The following STARD7 variants were observed in gnomAD, a reference collection of about 807,000 sequenced individuals.
STARD7 encodes StAR related lipid transfer domain containing 7, also known as stAR-related lipid transfer protein 7, mitochondrial.
Under a neutral mutation model 45.3 loss-of-function variants are expected in STARD7, and 30 were observed. The ratio of observed to expected loss-of-function variants is 0.66; its 90% CI spans 0.50 to 0.90. The LOEUF (loss-of-function observed/expected upper bound fraction) is 0.90, where lower values mean the gene tolerates loss of function less well. Among genes scored for constraint, STARD7 ranks in the 40% least tolerant of loss-of-function variants. The pLI is 0.00. For missense variants in STARD7, 495 were observed against 491.3 expected (o/e 1.01, Z -0.07); for synonymous variants, 199 against 183.0 (o/e 1.09, Z -0.70).
At chr2:96,205,936 G>C (rs1683381385) in intron 1 of STARD7, among the ~76,000 whole-genome samples, 1 of 152,088 alleles carries the variant, frequency 6.6e-6, no homozygotes, top group Admixed American at 6.5e-5. Flanking sequence ...GTTAAATGAG[G>C]GCCTTTACTA....
At chr2:96,187,962 A>C (rs1425109748) in intron 6 of STARD7, 1 of 150,196 alleles carries the variant, frequency 6.7e-6, no homozygotes, top group Non-Finnish European at 1.5e-5. Flanking sequence ...CGTCTCAAAA[A>C]ATAAATAAAT....
At chr2:96,193,407 G>T in intron 3 of STARD7, 55 bp from the exon 4 acceptor site, 1 of 1,159,738 alleles carries the variant, frequency 8.6e-7, no homozygotes, top group Non-Finnish European at 1.3e-6. Flanking sequence ...CAAAAATGCA[G>T]AAAGCTTTCC....
intron 1 of STARD7, among the ~76,000 whole-genome samples, chr2:96,198,099 G>T (rs2104194535): frequency 6.6e-6 from 1 of 152,148 alleles, no homozygotes; most frequent in East Asian, 1.9e-4. Flanking sequence ...AAGGTGGGTG[G>T]ATCACTCTGA....
At chr2:96,203,896 G>A (rs1268500263) in intron 1 of STARD7, among the ~76,000 whole-genome samples, 1 of 152,102 alleles carries the variant, frequency 6.6e-6, no homozygotes, top group Non-Finnish European at 1.5e-5. Context: ...AAACCAGGAG[G>A]TGGATGCTTC....
chr2:96,188,840 G>A (rs62153011), intron 6 of STARD7, among the ~76,000 whole-genome samples: 20,095 of 151,940 alleles, frequency 0.13, 1,510 homozygotes, highest in South Asian at 0.22. Context: ...GTTGCAGTGA[G>A]CCAAGATCAC....
chr2:96,200,795 C>T (rs1039321540), intron 1 of STARD7, among the ~76,000 whole-genome samples: 1 of 152,092 alleles, frequency 6.6e-6, no homozygotes, highest in African/African-American at 2.4e-5. Flanking sequence ...GCACAATAGG[C>T]GTGTGCTACC....
In STARD7 at chr2:96,208,593, G is replaced by T; in HGVS notation, c.-159C>A. On this transcript the variant is annotated 5_prime_UTR_variant, in exon 1 of 8. Transcript: ENST00000337288. ...CCGCTCATCTGTCTCTGCAGCCACC[G>T]CTGAGGAAGAGTCTCCTCTGAGGGG... 1.7e-6 allele frequency: 1 copy of T among 578,300 alleles called. No individual in the cohort carries two copies. The highest frequency in any genetic ancestry group is 2.8e-6 in the Non-Finnish European group (1 of 360,500). 35.8% of individuals were successfully genotyped at this position (578,300 alleles called of 1,614,324 possible). A position where few individuals can be genotyped will look rare whatever the true frequency, so the allele number is the denominator to read the frequency against.
chr2:96,200,359 G>A (rs1292144507), intron 1 of STARD7, among the ~76,000 whole-genome samples: 2 of 152,108 alleles, frequency 1.3e-5, no homozygotes, highest in Admixed American at 6.5e-5. Flanking sequence ...GATTCCAGGC[G>A]GGACTCACCG....
intron 5 of STARD7, among the ~76,000 whole-genome samples, chr2:96,192,876 A>G (rs1431603928): frequency 6.6e-6 from 1 of 152,236 alleles, no homozygotes; most frequent in African/African-American, 2.4e-5. Context: ...AACCCAAAAA[A>G]ACAGTTTAAC....
At chr2:96,204,399 A>G (rs1200117174) in intron 1 of STARD7, among the ~76,000 whole-genome samples, 1 of 151,884 alleles carries the variant, frequency 6.6e-6, no homozygotes, top group Non-Finnish European at 1.5e-5. Flanking sequence ...CTAAGGATAC[A>G]AAAAATTAGC....
rs1022496525 is a variant in STARD7 at position 96,208,529 on chromosome 2, G to A, written c.-95C>T. On this transcript the variant is annotated 5_prime_UTR_variant, in exon 1 of 8. Transcript: ENST00000337288. ...GGTCGCAGCGTCCCCCTAAATGGCC[G>A]GCCACGAACCCGTCTCACGGTCCCG... is the stretch of plus-strand genomic sequence containing the variant. The A allele has an allele frequency of 1.7e-6, 2 of 1,143,242 alleles. No homozygotes were observed. The highest frequency in any genetic ancestry group is 2.3e-6 in the Non-Finnish European group (2 of 874,842). 70.8% of individuals were successfully genotyped at this position (1,143,242 alleles called of 1,614,324 possible).
At position 96,186,726 on chromosome 2, in the gene STARD7, C is replaced by T; in HGVS notation, c.*4G>A. The T allele has an allele frequency of 1.2e-6, 2 of 1,601,448 alleles. No individual in the cohort carries two copies. Among genetic ancestry groups the T allele is most frequent in the African/African-American group, 1.3e-5 (1 of 74,614 alleles). On this transcript the variant is annotated 3_prime_UTR_variant, in exon 8 of 8. Transcript: ENST00000337288. ...CACCTTGTCCCTTCTTATCCCAAAGCCTGTCAAGCATACTCAATCCGAGCA... is the reference window on the plus strand; with the variant it reads ...CACCTTGTCCCTTCTTATCCCAAAGTCTGTCAAGCATACTCAATCCGAGCA...
At chr2:96,195,089 T>A in intron 2 of STARD7, 82 bp from the exon 3 acceptor site, 2 of 1,242,114 alleles carry the variant, frequency 1.6e-6, no homozygotes, top group Non-Finnish European at 2.3e-6. Context: ...GCGTTTCAGA[T>A]CTAAAGTACT....
intron 1 of STARD7, among the ~76,000 whole-genome samples, chr2:96,203,604 C>T (rs1392499090): frequency 6.6e-6 from 1 of 152,168 alleles, no homozygotes; most frequent in Non-Finnish European, 1.5e-5. Context: ...CATAATTCTC[C>T]TCCTCTTCAA....
rs1683044566 is a variant in STARD7, at chr2:96,186,801, T to G, written c.1042A>C (p.Lys348Gln). ...AKPLEMSSEA[K>Q]ATSQSSERKN... ...CGCTCAGAGGACTGGCTGGTGGCCT[T>G]GGCTTCACTACTCATTTCCAGAGGC... Residue 348 changes from lysine to glutamine, a missense_variant, in exon 8 of 8, where the codon AAG becomes CAG. Around this residue, in one of 2 missense-constraint regions of STARD7, gnomAD observed 213 missense variants for 271.2 expected, o/e 0.79. Transcript: ENST00000337288. 1 of 1,613,880 alleles carries G rather than the reference T, an allele frequency of 6.2e-7. No homozygotes were observed. Among genetic ancestry groups the G allele is most frequent in the South Asian group, 1.1e-5 (1 of 91,088 alleles).
intron 1 of STARD7, among the ~76,000 whole-genome samples, chr2:96,207,073 T>C (rs1470119314): frequency 6.6e-6 from 1 of 152,240 alleles, no homozygotes; most frequent in Non-Finnish European, 1.5e-5. Flanking sequence ...AAAGTTATCT[T>C]TCCTGCTAGG....
At chr2:96,202,799 G>A (rs1212631962) in intron 1 of STARD7, among the ~76,000 whole-genome samples, 1 of 152,204 alleles carries the variant, frequency 6.6e-6, no homozygotes, top group South Asian at 2.1e-4. Context: ...TCCACTGGTG[G>A]AATGTCGTAC....
In STARD7 at chr2:96,208,319, T is replaced by A. The variant is rs748441449; in HGVS notation, c.116A>T (p.Gln39Leu). Residue 39 changes from glutamine to leucine, a missense_variant, in exon 1 of 8, where the codon CAG becomes CTG. Transcript: ENST00000337288. ...GCGGCCGTAGAGCTGCGCGATCTGC[T>A]GCGCGCGCCGCACGCGCAGGCCCGT... ...FVTGLRVRRA[Q>L]QIAQLYGRLY... is the part of the protein sequence containing the mutation. The A allele has an allele frequency of 1.2e-6, 2 of 1,606,306 alleles. No homozygotes were observed. The highest frequency in any genetic ancestry group is 2.2e-5 in the East Asian group (1 of 44,622).
chr2:96,202,203 G>A (rs1030464336), intron 1 of STARD7, among the ~76,000 whole-genome samples: 4 of 152,140 alleles, frequency 2.6e-5, no homozygotes, highest in African/African-American at 9.7e-5. Context: ...TTCTAGAAGG[G>A]GCTTTGCATC....
Sources: gnomAD v4.1 joint callset for allele counts (sites outside exome capture counted in the v4.1 genomes callset) on GRCh38, gnomAD v4.1.1 for gene constraint, gnomAD v4.1.1 regional missense constraint, MANE v1.5 for transcripts, NCBI Gene and HGNC (gene_info 2026-07-23, HGNC 2026-07-21) for gene names.